Variants in MFSD2A observed in about 807,000 individuals in gnomAD.
MFSD2A encodes sodium-dependent lysophosphatidylcholine symporter 1.
MFSD2A carries 27 observed loss-of-function variants against 64.7 expected under a neutral mutation model. The observed-to-expected ratio is 0.42, with a 90% CI of 0.31 to 0.58. The LOEUF (loss-of-function observed/expected upper bound fraction) is 0.58, where lower values mean the gene tolerates loss of function less well. Ranked by LOEUF, MFSD2A falls within the 20% of genes least tolerant of loss-of-function variation. MFSD2A has a pLI of 0.18. For synonymous variants in MFSD2A, 258 were observed against 273.4 expected (o/e 0.94, Z 0.55); for missense variants, 474 against 679.5 (o/e 0.70, Z 3.36).
In MFSD2A at chr1:39,965,774, G is replaced by C; in HGVS notation, c.557-83G>C. On this transcript the variant is annotated intron_variant, in intron 5 of 13. Coordinates refer to ENST00000372811, the MANE Select transcript of MFSD2A (RefSeq NM_032793.5). The surrounding 1 kb of genome is among the most constrained non-coding windows in gnomAD (Gnocchi z 5.5). Reference sequence around the variant, plus strand: ...TCTACCCACCCTGCCTGGAGCTACCGCTGGGCTCCCACCCATTTGACCTTC... The same window carrying C: ...TCTACCCACCCTGCCTGGAGCTACCCCTGGGCTCCCACCCATTTGACCTTC... The C allele has an allele frequency of 6.4e-7, 1 of 1,557,776 alleles. No individual in the cohort carries two copies. The highest frequency in any genetic ancestry group is 8.8e-7 in the Non-Finnish European group (1 of 1,140,096).
chr1:39,962,810 T>G, intron 3 of MFSD2A: 1 of 1,262,556 alleles, frequency 7.9e-7, no homozygotes, highest in East Asian at 2.3e-5. Context: ...CTCTGCCCAT[T>G]AAGGGATCTG....
chr1:39,967,301 G>A (rs1645185009), intron 9 of MFSD2A, 132 bp downstream of exon 9: 1 of 827,566 alleles, frequency 1.2e-6, no homozygotes, highest in South Asian at 1.7e-5. Context: ...GGCTTCTCAG[G>A]GTATTTGGTT....
chr1:39,967,292 G>T (rs958395275), intron 9 of MFSD2A, 123 bp downstream of exon 9: 4 of 855,344 alleles, frequency 4.7e-6, no homozygotes, highest in African/African-American at 3.4e-5. Flanking sequence ...GATGAGGGAG[G>T]CTTCTCAGGG....
At chr1:39,967,440 TG>T in intron 9 of MFSD2A, 187 bp from the exon 10 acceptor site, 1 of 637,462 alleles carries the variant, frequency 1.6e-6, no homozygotes, top group Admixed American at 2.8e-5. Flanking sequence ...GCAGACAAGG[TG>T]GGCCTGGACC....
In MFSD2A at chr1:39,958,522, G is replaced by T. The variant is rs1277907017; in HGVS notation, c.229-179G>T. 5.4e-6 allele frequency: 5 copies of T among 932,834 alleles called. No homozygotes were observed. Among genetic ancestry groups the T allele is most frequent in the Non-Finnish European group, 8.3e-6 (5 of 601,160 alleles). 57.8% of individuals were successfully genotyped at this position (932,834 alleles called of 1,614,324 possible). Reference sequence around the variant, plus strand: ...GAGGCACCCAGTGCTACTGTTATTGGAGAAATGCTATTGTCATTATTAACA... The same window carrying T: ...GAGGCACCCAGTGCTACTGTTATTGTAGAAATGCTATTGTCATTATTAACA... On this transcript the variant is annotated intron_variant, in intron 2 of 13. Coordinates refer to ENST00000372811, the MANE Select transcript of MFSD2A (RefSeq NM_032793.5). The surrounding 1 kb of genome is among the most constrained non-coding windows in gnomAD (Gnocchi z 4.7).
intron 3 of MFSD2A, chr1:39,962,784 G>T: frequency 9.4e-7 from 1 of 1,062,798 alleles, no homozygotes; most frequent in Non-Finnish European, 1.4e-6. Context: ...GTCCCTGCAG[G>T]AGATCTATCT....
intron 6 of MFSD2A, among the ~76,000 whole-genome samples, chr1:39,966,296 C>A (rs985260508): frequency 6.6e-6 from 1 of 151,972 alleles, no homozygotes; most frequent in African/African-American, 2.4e-5. Context: ...TGTTTTTTTC[C>A]TTTTATTATT....
At position 39,965,903 on chromosome 1, in the gene MFSD2A, G is replaced by A; in HGVS notation, c.603G>A (p.Gln201=). ...VLGTVLGTAI[Q]GQIVGQADTP... is the part of the protein sequence containing the mutation. ...GCACAGTGCTGGGCACGGCGATCCAGGGACAAATCGTGGGCCAAGCAGACA... is the reference window on the plus strand; with the variant it reads ...GCACAGTGCTGGGCACGGCGATCCAAGGACAAATCGTGGGCCAAGCAGACA... Residue 201 remains glutamine, a synonymous_variant, in exon 6 of 14, where the codon CAG becomes CAA. Coordinates refer to ENST00000372811, the MANE Select transcript of MFSD2A (RefSeq NM_032793.5). The surrounding 1 kb of genome is among the most constrained non-coding windows in gnomAD (Gnocchi z 5.5). The A allele has an allele frequency of 1.9e-6, 3 of 1,614,146 alleles. No individual in the cohort carries two copies. Among genetic ancestry groups the A allele is most frequent in the Non-Finnish European group, 1.7e-6 (2 of 1,180,044 alleles).
chr1:39,957,594 G>A (rs186135945), intron 2 of MFSD2A, among the ~76,000 whole-genome samples: 147 of 152,320 alleles, frequency 9.7e-4, no homozygotes, highest in African/African-American at 3.3e-3. Context: ...AGGGGTTGGT[G>A]GCTGTTGCCA....
Position 39,962,923 on chromosome 1 carries a change from C to A in MFSD2A, c.354-2288C>A, listed in dbSNP as rs190469275. The A allele has an allele frequency of 1.2e-5, 19 of 1,572,894 alleles. No individual in the cohort carries two copies. The African/African-American group carries it at 1.2e-4, about 10-fold the overall frequency. ...GCCGGCCAGCGCACCAGGTTCAAGG[C>A]GTTTGTTGCTATCGGAGACTACAAT... On this transcript the variant is annotated intron_variant, in intron 3 of 13. Coordinates refer to ENST00000372811, the MANE Select transcript of MFSD2A (RefSeq NM_032793.5).
chr1:39,955,993 G>A lies in MFSD2A; in HGVS notation c.93+608G>A, dbSNP rs1570231461. On this transcript the variant is annotated intron_variant, in intron 1 of 13. Coordinates refer to ENST00000372811, the MANE Select transcript of MFSD2A (RefSeq NM_032793.5). The surrounding 1 kb of genome is among the most constrained non-coding windows in gnomAD (Gnocchi z 5.9). ...TAAAATGAGGCGGCCCCCTAGGAAA[G>A]GATCTCAGGCAATAGATACCTTCGT... 6.6e-6 allele frequency among the ~76,000 whole-genome samples: 1 copy of A among 152,208 alleles called. No individual in the cohort carries two copies. Among genetic ancestry groups the A allele is most frequent in the African/African-American group, 2.4e-5 (1 of 41,454 alleles).
rs1490824342 is a variant in MFSD2A, at chr1:39,957,058, G to A, written c.94-29G>A. On this transcript the variant is annotated intron_variant, in intron 1 of 13. Transcript: ENST00000372811. ...TTCTTGGATGGAGGCCAGAACCTTG[G>A]GCCTTTCATCTTTTCCTCCTCTTCC... 6 of 1,613,604 alleles carry A rather than the reference G, an allele frequency of 3.7e-6. No homozygotes were observed. In the African/African-American group the frequency reaches 6.7e-5, roughly 18 times the overall value.
chr1:39,967,546 G>A, intron 9 of MFSD2A, 82 bp from the exon 10 acceptor site: 10 of 1,305,396 alleles, frequency 7.7e-6, no homozygotes, highest in Non-Finnish European at 1.1e-5. Flanking sequence ...AGGGCTGGGA[G>A]CCACTTTGGG....
rs941301761 is a variant in MFSD2A, at chr1:39,963,561, G to C, written c.354-1650G>C. On this transcript the variant is annotated intron_variant, in intron 3 of 13. Coordinates refer to ENST00000372811, the MANE Select transcript of MFSD2A (RefSeq NM_032793.5). This position sits in a 1 kb window ranked among gnomAD's most constrained non-coding sequence, Gnocchi z 4.2. ...CAAGTAGCTGGGATAACAGGCATGT[G>C]CCACTGCCATTACAGCCATTTTTAA... 1.1e-4 allele frequency among the ~76,000 whole-genome samples: 17 copies of C among 152,206 alleles called. No individual in the cohort carries two copies. Among genetic ancestry groups the C allele is most frequent in the Non-Finnish European group, 2.1e-4 (14 of 68,040 alleles).
chr1:39,968,867 C>T lies in MFSD2A; in HGVS notation c.1529+122C>T. 1 of 1,021,330 alleles carries T rather than the reference C, an allele frequency of 9.8e-7. No homozygotes were observed. Among genetic ancestry groups the T allele is most frequent in the Admixed American group, 2.4e-5 (1 of 41,416 alleles). The allele number at this position is 1,021,330 out of a possible 1,614,324, so 63.3% of individuals were successfully genotyped here. On this transcript the variant is annotated intron_variant, in intron 13 of 13. Coordinates refer to ENST00000372811, the MANE Select transcript of MFSD2A (RefSeq NM_032793.5). The surrounding 1 kb of genome is among the most constrained non-coding windows in gnomAD (Gnocchi z 4.4). ...ACACATCTTCTCTGGACAGCTGTAA[C>T]ACTTAAGTACGCACCAGGCACTGTG...
chr1:39,956,068 G>A (rs1644921672), intron 1 of MFSD2A, among the ~76,000 whole-genome samples: 1 of 152,200 alleles, frequency 6.6e-6, no homozygotes, highest in South Asian at 2.1e-4. Flanking sequence ...TCTTTGGAAG[G>A]AGCTGGGTGA....
rs1311527018 is a variant in MFSD2A at position 39,963,062 on chromosome 1, C to A, written c.354-2149C>A. ...CCGTGCGCAGAGGCTACTGGGGGAACAAGATCAGCAAGCCCCACACCGTCC... is the reference window on the plus strand; with the variant it reads ...CCGTGCGCAGAGGCTACTGGGGGAAAAAGATCAGCAAGCCCCACACCGTCC... On this transcript the variant is annotated intron_variant, in intron 3 of 13. Coordinates refer to ENST00000372811, the MANE Select transcript of MFSD2A (RefSeq NM_032793.5). The surrounding 1 kb of genome is among the most constrained non-coding windows in gnomAD (Gnocchi z 4.2). 5 of 1,414,450 alleles carry A rather than the reference C, an allele frequency of 3.5e-6. No individual in the cohort carries two copies. The highest frequency in any genetic ancestry group is 4.9e-6 in the Non-Finnish European group (5 of 1,029,050). The allele number at this position is 1,414,450 out of a possible 1,614,324, so 87.6% of individuals were successfully genotyped here. A position where few individuals can be genotyped will look rare whatever the true frequency, so the allele number is the denominator to read the frequency against.
rs141018571 is a variant in MFSD2A, at chr1:39,969,033, C to A, written c.1529+288C>A. On this transcript the variant is annotated intron_variant, in intron 13 of 13. Coordinates refer to ENST00000372811, the MANE Select transcript of MFSD2A (RefSeq NM_032793.5). ...ACGTGTGTATCCATCACCTCCCATA[C>A]CCCTCCAACAACCCTAAGTATCAGG... 1.1e-4 allele frequency among the ~76,000 whole-genome samples: 17 copies of A among 152,344 alleles called. No homozygotes were observed. In the East Asian group the frequency reaches 3.3e-3, roughly 29 times the overall value.
intron 3 of MFSD2A, among the ~76,000 whole-genome samples, chr1:39,959,119 C>T (rs1310403794): frequency 1.3e-5 from 2 of 152,176 alleles, no homozygotes; most frequent in African/African-American, 4.8e-5. Flanking sequence ...AATTCTCCCA[C>T]TCTATCACTT....
Sources: allele counts gnomAD v4.1 joint callset (sites outside exome capture counted in the v4.1 genomes callset), GRCh38; gene constraint gnomAD v4.1.1; non-coding constraint Gnocchi (gnomAD v3.1); transcripts MANE v1.5; gene names NCBI Gene and HGNC (gene_info 2026-07-23, HGNC 2026-07-21).